EFHC2: variants seen among roughly 807,000 people sequenced by gnomAD.
EFHC2 encodes the protein EF-hand domain-containing family member C2.
In EFHC2, 18 loss-of-function variants were observed where a neutral mutation model predicts 52.7. The ratio of observed to expected loss-of-function variants is 0.34; its 90% CI spans 0.24 to 0.51. EFHC2 has a LOEUF of 0.51. Ranked by LOEUF, EFHC2 falls within the 20% of genes least tolerant of loss-of-function variation. The pLI, the probability that EFHC2 is intolerant of heterozygous loss-of-function variation, is 0.97. For synonymous variants in EFHC2, 203 were observed against 204.1 expected (o/e 0.99, Z 0.04); for missense variants, 513 against 562.5 (o/e 0.91, Z 0.89).
At chrX:44,342,680 C>T (rs1324825880) in intron 1 of EFHC2, among the ~76,000 whole-genome samples, 1 of 109,895 alleles carries the variant, frequency 9.1e-6, no homozygotes. Context: ...AGTCCGAGGC[C>T]AGCCTGGCCA....
intron 2 of EFHC2, among the ~76,000 whole-genome samples, chrX:44,290,209 C>T (rs1156839351): frequency 9.0e-6 from 1 of 111,140 alleles, no homozygotes; most frequent in Non-Finnish European, 1.9e-5. Flanking sequence ...CATCACTCAT[C>T]CCATTCTCCC....
At chrX:44,318,630 A>T (rs1345863611) in intron 1 of EFHC2, among the ~76,000 whole-genome samples, 1 of 112,363 alleles carries the variant, frequency 8.9e-6, no homozygotes, top group Non-Finnish European at 1.9e-5. Flanking sequence ...GGATGGGCAG[A>T]TTCATGAGGC....
At chrX:44,336,732 T>C (rs2038120064) in intron 1 of EFHC2, among the ~76,000 whole-genome samples, 1 of 112,205 alleles carries the variant, frequency 8.9e-6, no homozygotes, top group African/African-American at 3.2e-5. Context: ...GAAAATGAAA[T>C]TGATGTGTGC....
intron 8 of EFHC2, 87 bp from the exon 9 acceptor site, chrX:44,235,534 T>C: frequency 2.1e-6 from 2 of 933,105 alleles, no homozygotes; most frequent in South Asian, 3.0e-5. Context: ...AGATATAATA[T>C]GGCTTTAATA....
intron 11 of EFHC2, among the ~76,000 whole-genome samples, chrX:44,197,130 CA>C (rs1160947992): frequency 1.8e-5 from 2 of 111,908 alleles, no homozygotes; most frequent in Non-Finnish European, 3.8e-5. Context: ...ACATGGTAAG[CA>C]GCAAGCATAT....
intron 3 of EFHC2, among the ~76,000 whole-genome samples, chrX:44,263,733 T>C (rs2037557514): frequency 8.9e-6 from 1 of 112,376 alleles, no homozygotes; most frequent in South Asian, 3.7e-4. Context: ...GGAACCATTA[T>C]ATACTACTTT....
At chrX:44,251,859 G>T (rs2037454071) in intron 4 of EFHC2, among the ~76,000 whole-genome samples, 2 of 108,572 alleles carry the variant, frequency 1.8e-5, no homozygotes, top group Non-Finnish European at 3.8e-5. Flanking sequence ...TTTTGTGTTG[G>T]TTACTCAATT....
chrX:44,319,817 A>G (rs926682903), intron 1 of EFHC2, among the ~76,000 whole-genome samples: 8 of 112,853 alleles, frequency 7.1e-5, no homozygotes, highest in African/African-American at 2.6e-4. Context: ...GTTGGCATGT[A>G]GATACATTTT....
intron 8 of EFHC2, 151 bp downstream of exon 8, chrX:44,241,970 G>T: frequency 3.9e-6 from 2 of 516,227 alleles, no homozygotes; most frequent in Non-Finnish European, 5.8e-6. Flanking sequence ...ATACGTGCAT[G>T]TTAATCAACC....
chrX:44,158,135 T>A (rs1157662411), intron 14 of EFHC2, among the ~76,000 whole-genome samples: 4 of 111,617 alleles, frequency 3.6e-5, no homozygotes, highest in African/African-American at 1.3e-4. Flanking sequence ...CACACTAGAC[T>A]GGGAAGGTGT....
intron 2 of EFHC2, among the ~76,000 whole-genome samples, chrX:44,306,771 T>C (rs745522367): frequency 6.3e-5 from 7 of 111,997 alleles, no homozygotes; most frequent in Non-Finnish European, 7.5e-5. Flanking sequence ...TGGGGTTCCA[T>C]AGAGGCAGAG....
At chrX:44,321,214 C>T (rs762144991) in intron 1 of EFHC2, among the ~76,000 whole-genome samples, 1 of 111,100 alleles carries the variant, frequency 9.0e-6, no homozygotes, top group Non-Finnish European at 1.9e-5. Context: ...GCCTGAACAA[C>T]GAGAAGAATG....
intron 4 of EFHC2, among the ~76,000 whole-genome samples, chrX:44,251,814 C>A (rs1030834962): frequency 7.4e-5 from 8 of 108,346 alleles, no homozygotes; most frequent in Non-Finnish European, 9.6e-5. Context: ...GAGAAAGGAA[C>A]TTTCTGAGGT....
At chrX:44,302,417 C>T (rs750240756) in intron 2 of EFHC2, among the ~76,000 whole-genome samples, 1 of 112,132 alleles carries the variant, frequency 8.9e-6, no homozygotes, top group South Asian at 3.7e-4. Flanking sequence ...ATTTATGATT[C>T]TCATTCTTTT....
intron 9 of EFHC2, among the ~76,000 whole-genome samples, chrX:44,235,039 C>T (rs759118804): frequency 2.9e-4 from 32 of 111,328 alleles, no homozygotes; most frequent in African/African-American, 1.0e-3. Context: ...GAGGCCACAG[C>T]GGAAGTGGGG....
intron 11 of EFHC2, among the ~76,000 whole-genome samples, chrX:44,218,771 G>T (rs771167891): frequency 3.6e-5 from 4 of 111,942 alleles, no homozygotes; most frequent in Admixed American, 9.5e-5. Context: ...TTGGTAAAAG[G>T]TCTGGCAGTT....
chrX:44,232,318 G>A (rs1270821020), intron 10 of EFHC2, among the ~76,000 whole-genome samples, 163 bp downstream of exon 10: 1 of 112,143 alleles, frequency 8.9e-6, no homozygotes, highest in Non-Finnish European at 1.9e-5. Flanking sequence ...CCTCTGTGAT[G>A]GGACATGTGG....
intron 2 of EFHC2, among the ~76,000 whole-genome samples, chrX:44,290,247 A>G (rs2037783283): frequency 9.0e-6 from 1 of 111,009 alleles, no homozygotes; most frequent in Non-Finnish European, 1.9e-5. Context: ...TTTACTACAT[A>G]TAATGCATTT....
At chrX:44,309,859 G>T in intron 2 of EFHC2, 1 of 1,178,790 alleles carries the variant, frequency 8.5e-7, no homozygotes, top group Non-Finnish European at 1.2e-6. Context: ...GGCCCAATCT[G>T]CCTTCTTCTT....
Sources: gnomAD v4.1 joint callset for allele counts (sites outside exome capture counted in the v4.1 genomes callset) on GRCh38, gnomAD v4.1.1 for gene constraint, MANE v1.5 for transcripts, NCBI Gene and HGNC (gene_info 2026-07-23, HGNC 2026-07-21) for gene names.